Variants in AGAP1 observed in about 807,000 individuals in gnomAD.
AGAP1 encodes ArfGAP with GTPase domain, ankyrin repeat and PH domain 1, also known as arf-GAP with GTPase, ANK repeat and PH domain-containing protein 1.
A neutral mutation model predicts 105.3 loss-of-function variants in AGAP1; 29 were observed. The ratio of observed to expected loss-of-function variants is 0.28; its 90% CI spans 0.21 to 0.38. AGAP1 has a LOEUF of 0.38. AGAP1 is among the 10% of genes least tolerant of loss of function. AGAP1 has a pLI of 1.00. For missense variants in AGAP1, 998 were observed against 1,165.1 expected, an observed-to-expected ratio of 0.86 and a Z score of 2.09; for synonymous variants, 509 against 485.9, an observed-to-expected ratio of 1.05 and a Z score of -0.63.
chr2:236,086,196 A>G (rs2058924271), intron 16 of AGAP1, among the ~76,000 whole-genome samples: 1 of 152,220 alleles, frequency 6.6e-6, no homozygotes, highest in African/African-American at 2.4e-5. Flanking sequence ...AATTAGCCTA[A>G]TAGATATTAT....
In AGAP1 at chr2:235,966,528, G is replaced by A. The variant is rs115834303; in HGVS notation, c.1484-1934G>A. 3.0e-3 allele frequency among the ~76,000 whole-genome samples: 456 copies of A among 152,206 alleles called. 1 individual carries two copies. The highest frequency in any genetic ancestry group is 5.1e-3 in the Non-Finnish European group (344 of 68,006). On this transcript the variant is annotated intron_variant, in intron 12 of 17. Transcript: ENST00000304032. ...ATCTAAGGATGTGCGTCCATAGGAA[G>A]CACCTCCTGCCTGGTAGAGGGAAAG...
In AGAP1 at chr2:235,639,393, C is replaced by A. The variant is rs573354711; in HGVS notation, c.164-69786C>A. Among the ~76,000 whole-genome samples the A allele has an allele frequency of 6.6e-6, 1 of 152,068 alleles. No homozygotes were observed. The highest frequency in any genetic ancestry group is 1.5e-5 in the Non-Finnish European group (1 of 68,024). ...CGGTGTGGCCTGAGAAGTCGGCCTGCGATAGAACCCGGGGAATCCCAGTGT... is the reference window on the plus strand; with the variant it reads ...CGGTGTGGCCTGAGAAGTCGGCCTGAGATAGAACCCGGGGAATCCCAGTGT... On this transcript the variant is annotated intron_variant, in intron 1 of 17. Coordinates refer to ENST00000304032, the MANE Select transcript of AGAP1 (RefSeq NM_001037131.3). This position sits in a 1 kb window ranked among gnomAD's most constrained non-coding sequence, Gnocchi z 5.3.
chr2:235,727,684 A>G (rs1441196954), intron 3 of AGAP1, among the ~76,000 whole-genome samples: 1 of 151,382 alleles, frequency 6.6e-6, no homozygotes, highest in Non-Finnish European at 1.5e-5. Flanking sequence ...GCTCACCACC[A>G]CTCCTCCTCT....
intron 16 of AGAP1, among the ~76,000 whole-genome samples, chr2:236,064,810 A>G (rs1336024750): frequency 6.6e-6 from 1 of 152,332 alleles, no homozygotes; most frequent in East Asian, 1.9e-4. Flanking sequence ...ATGAACTGAG[A>G]AAGAGGAATA....
intron 9 of AGAP1, among the ~76,000 whole-genome samples, chr2:235,837,620 A>T (rs1960320874): frequency 6.6e-6 from 1 of 152,176 alleles, no homozygotes; most frequent in African/African-American, 2.4e-5. Flanking sequence ...GATTAATAAG[A>T]TGATGGAGTC....
At position 236,096,023 on chromosome 2, in the gene AGAP1, G is replaced by C. The variant is rs1424042325; in HGVS notation, c.2115-24169G>C. On this transcript the variant is annotated intron_variant, in intron 16 of 17. Transcript: ENST00000304032. This position sits in a 1 kb window ranked among gnomAD's most constrained non-coding sequence, Gnocchi z 4.4. ...AGCTTCTGTGCCATGCTTCTTTATT[G>C]TTTTGGGTACTTGGAAATCCATTCT... 6.6e-6 allele frequency among the ~76,000 whole-genome samples: 1 copy of C among 152,174 alleles called. No homozygotes were observed. Among genetic ancestry groups the C allele is most frequent in the Non-Finnish European group, 1.5e-5 (1 of 68,038 alleles).
Position 235,608,050 on chromosome 2 carries a change from A to G in AGAP1, c.164-101129A>G, listed in dbSNP as rs558113251. On this transcript the variant is annotated intron_variant, in intron 1 of 17. Coordinates refer to ENST00000304032, the MANE Select transcript of AGAP1 (RefSeq NM_001037131.3). This position sits in a 1 kb window ranked among gnomAD's most constrained non-coding sequence, Gnocchi z 5.4. ...TGCTGAAGAGATTACCCCTGACTTC[A>G]TAGTCTGCCTGTCTCAGAGCGTGGG... Among the ~76,000 whole-genome samples the G allele has an allele frequency of 3.3e-5, 5 of 152,316 alleles. No individual in the cohort carries two copies. In the East Asian group the frequency reaches 9.6e-4, roughly 29 times the overall value.
intron 1 of AGAP1, among the ~76,000 whole-genome samples, chr2:235,677,016 C>T (rs1948777146): frequency 6.6e-6 from 1 of 152,244 alleles, no homozygotes; most frequent in Middle Eastern, 3.4e-3. Context: ...TTTATTCAGC[C>T]CAAATTAGAA....
rs1358920906 is a variant in AGAP1, at chr2:236,121,546, G to T, written c.2370+1099G>T. Among the ~76,000 whole-genome samples the T allele has an allele frequency of 6.6e-6, 1 of 152,040 alleles. No homozygotes were observed. The highest frequency in any genetic ancestry group is 2.4e-5 in the African/African-American group (1 of 41,406). ...GAGCTCCTGACCTCGTGATCCACCC[G>T]CCTCGGCCTCCCAAAGTGCTGGGAG... On this transcript the variant is annotated intron_variant, in intron 17 of 17. Transcript: ENST00000304032. The surrounding 1 kb of genome is among the most constrained non-coding windows in gnomAD (Gnocchi z 4.9).
In AGAP1 at chr2:236,042,985, A is replaced by AT. The variant is rs2057600097; in HGVS notation, c.1891+2144_1891+2145insT. On this transcript the variant is annotated intron_variant, in intron 15 of 17. Transcript: ENST00000304032. This position sits in a 1 kb window ranked among gnomAD's most constrained non-coding sequence, Gnocchi z 5.6. ...AGGAATTGAGGAGCCTGAAGGGTCA[A>AT]GTCATTTGTCTGAGGTCACAGAAAT... Among the ~76,000 whole-genome samples the AT allele has an allele frequency of 6.6e-6, 1 of 152,240 alleles. No homozygotes were observed. The highest frequency in any genetic ancestry group is 1.5e-5 in the Non-Finnish European group (1 of 68,042).
At chr2:235,715,478 G>A (rs1390323757) in intron 2 of AGAP1, among the ~76,000 whole-genome samples, 1 of 152,160 alleles carries the variant, frequency 6.6e-6, no homozygotes, top group East Asian at 1.9e-4. Flanking sequence ...GGGGAGGGGT[G>A]CTCAGGTGAC....
Position 235,829,109 on chromosome 2 carries a change from CT to C in AGAP1, c.1050+21781del, listed in dbSNP as rs529376338. Among the ~76,000 whole-genome samples the C allele has an allele frequency of 3.0e-3, 452 of 152,362 alleles. 1 individual carries two copies. The highest frequency in any genetic ancestry group is 0.01 in the African/African-American group (432 of 41,582). On this transcript the variant is annotated intron_variant, in intron 9 of 17. Transcript: ENST00000304032. The stretch of plus-strand genomic sequence containing the variant: ...GTGACTGGGCAGATTGGCACCAGGA[CT>C]TTGTCTACAACCTGCGTTTCCCTGT...
rs1215302721 is a variant in AGAP1, at chr2:235,801,798, G to A, written c.957+2276G>A. On this transcript the variant is annotated intron_variant, in intron 8 of 17. Transcript: ENST00000304032. This position sits in a 1 kb window ranked among gnomAD's most constrained non-coding sequence, Gnocchi z 6.0. ...TGTCTTTGTTAAGGGAGTGGAAGGG[G>A]GAGAGCACTCATTCTCAGACGCCTT... Among the ~76,000 whole-genome samples the A allele has an allele frequency of 3.3e-5, 5 of 152,120 alleles. No individual in the cohort carries two copies. Among genetic ancestry groups the A allele is most frequent in the Non-Finnish European group, 7.4e-5 (5 of 68,026 alleles).
intron 1 of AGAP1, among the ~76,000 whole-genome samples, chr2:235,526,737 G>A (rs924172124): frequency 2.6e-5 from 4 of 152,316 alleles, no homozygotes; most frequent in African/African-American, 9.6e-5. Context: ...ATGGGTAAAA[G>A]GTCATTGCCA....
At chr2:236,098,711 C>T (rs918053716) in intron 16 of AGAP1, among the ~76,000 whole-genome samples, 52 of 148,834 alleles carry the variant, frequency 3.5e-4, no homozygotes, top group African/African-American at 9.8e-4. Flanking sequence ...TGCCGCTTCC[C>T]GCTGCTGGGC....
In AGAP1 at chr2:235,848,842, A is replaced by G. The variant is rs147752249; in HGVS notation, c.1051-34503A>G. 2.4e-4 allele frequency among the ~76,000 whole-genome samples: 37 copies of G among 152,198 alleles called. No homozygotes were observed. The East Asian group carries it at 6.9e-3, about 29-fold the overall frequency. On this transcript the variant is annotated intron_variant, in intron 9 of 17. Transcript: ENST00000304032. ...CATTTGGGCTCTGAATGCTTTTCTG[A>G]TAGTGGGGAAGGTTTTAGGAATTGT...
rs1426384486 is a variant in AGAP1, at chr2:235,891,800, G to T, written c.1155+8351G>T. 6.6e-6 allele frequency among the ~76,000 whole-genome samples: 1 copy of T among 152,056 alleles called. No individual in the cohort carries two copies. Among genetic ancestry groups the T allele is most frequent in the African/African-American group, 2.4e-5 (1 of 41,422 alleles). On this transcript the variant is annotated intron_variant, in intron 10 of 17. Transcript: ENST00000304032. The surrounding 1 kb of genome is among the most constrained non-coding windows in gnomAD (Gnocchi z 4.2). Reference sequence around the variant, plus strand: ...CCTCAGGAGGTCGTTTGGCAGCTGTGAAACTCCTCCCCTCCGGGCCATACC... The same window carrying T: ...CCTCAGGAGGTCGTTTGGCAGCTGTTAAACTCCTCCCCTCCGGGCCATACC...
rs1952059688 is a variant in AGAP1, at chr2:235,733,361, A to AAGTGATGGGGTGT, written c.311-7601_311-7589dup. Among the ~76,000 whole-genome samples, 1 of 152,108 alleles carries AAGTGATGGGGTGT rather than the reference A, an allele frequency of 6.6e-6. No individual in the cohort carries two copies. Among genetic ancestry groups the AAGTGATGGGGTGT allele is most frequent in the Admixed American group, 6.5e-5 (1 of 15,272 alleles). ...TTTCTTCCCTGCGCACTTTGGGGTG[A>AAGTGATGGGGTGT]AGTGATGGGGTGTTGTTGGCTCAGG... On this transcript the variant is annotated intron_variant, in intron 3 of 17. Coordinates refer to ENST00000304032, the MANE Select transcript of AGAP1 (RefSeq NM_001037131.3). The surrounding 1 kb of genome is among the most constrained non-coding windows in gnomAD (Gnocchi z 5.0).
At position 235,936,499 on chromosome 2, in the gene AGAP1, G is replaced by A. The variant is rs1389153611; in HGVS notation, c.1483+5576G>A. On this transcript the variant is annotated intron_variant, in intron 12 of 17. Transcript: ENST00000304032. The surrounding 1 kb of genome is among the most constrained non-coding windows in gnomAD (Gnocchi z 4.7). ...TTGATGATGGGGGTTCGAAACATGA[G>A]TTTCAGCTTCGGAAGCTGTCTGTCC... Among the ~76,000 whole-genome samples the A allele has an allele frequency of 6.6e-6, 1 of 152,212 alleles. No homozygotes were observed. The highest frequency in any genetic ancestry group is 1.9e-4 in the East Asian group (1 of 5,200).
Sources: allele counts gnomAD v4.1 joint callset (sites outside exome capture counted in the v4.1 genomes callset), GRCh38; gene constraint gnomAD v4.1.1; non-coding constraint Gnocchi (gnomAD v3.1); transcripts MANE v1.5; gene names NCBI Gene and HGNC (gene_info 2026-07-23, HGNC 2026-07-21).